The following FHOD3 variants were observed in gnomAD, a reference collection of about 807,000 sequenced individuals.
FHOD3 encodes the protein formin homology 2 domain containing 3, also known as FH1/FH2 domain-containing protein 3.
In FHOD3, 90 loss-of-function variants were observed where a neutral mutation model predicts 173.0. The observed-to-expected ratio is 0.52, with a 90% CI of 0.44 to 0.62. The LOEUF is 0.62. Among genes scored for constraint, FHOD3 ranks in the 20% least tolerant of loss-of-function variants. The pLI is 0.00. For missense variants in FHOD3, 1,945 were observed against 2,034.7 expected (o/e 0.96, Z 0.85); for synonymous variants, 828 against 823.0 (o/e 1.01, Z -0.10).
At chr18:36,586,496 T>A (rs1177093244) in intron 6 of FHOD3, among the ~76,000 whole-genome samples, 2 of 152,056 alleles carry the variant, frequency 1.3e-5, no homozygotes, top group Non-Finnish European at 2.9e-5. Flanking sequence ...TACTTTTTTT[T>A]TTTTTTGAGA....
chr18:36,381,454 A>G (rs1052162066), intron 3 of FHOD3, among the ~76,000 whole-genome samples: 3 of 152,152 alleles, frequency 2.0e-5, no homozygotes, highest in African/African-American at 7.2e-5. Flanking sequence ...GTCCCTGGAA[A>G]TGGGGTCTGT....
At chr18:36,414,728 G>A (rs2049537235) in intron 3 of FHOD3, among the ~76,000 whole-genome samples, 1 of 152,204 alleles carries the variant, frequency 6.6e-6, no homozygotes, top group East Asian at 1.9e-4. Flanking sequence ...ACATTCTGTG[G>A]GCTGAGCCTG....
In FHOD3 at chr18:36,352,223, G is replaced by A. The variant is rs1283189927; in HGVS notation, c.166-3316G>A. Among the ~76,000 whole-genome samples the A allele has an allele frequency of 3.3e-5, 5 of 152,148 alleles. 1 individual carries two copies. Among genetic ancestry groups the A allele is most frequent in the African/African-American group, 7.2e-5 (3 of 41,482 alleles). ...TGCCAGGAGTTCAAGACCAGCCTGCGCAACAGTGAGACCCCCCTGCTACAA... is the reference window on the plus strand; with the variant it reads ...TGCCAGGAGTTCAAGACCAGCCTGCACAACAGTGAGACCCCCCTGCTACAA... On this transcript the variant is annotated intron_variant, in intron 1 of 28. Coordinates refer to ENST00000590592, the MANE Select transcript of FHOD3 (RefSeq NM_001281740.3).
intron 3 of FHOD3, among the ~76,000 whole-genome samples, chr18:36,411,486 T>G (rs1274514910): frequency 6.6e-6 from 1 of 152,272 alleles, no homozygotes; most frequent in Non-Finnish European, 1.5e-5. Flanking sequence ...CATTGAATTC[T>G]GGCTCTTAAG....
At chr18:36,470,874 T>G (rs2053243699) in intron 3 of FHOD3, among the ~76,000 whole-genome samples, 1 of 152,234 alleles carries the variant, frequency 6.6e-6, no homozygotes, top group African/African-American at 2.4e-5. Flanking sequence ...GGTGAGTTAA[T>G]GGTAAGTAAC....
chr18:36,333,197 G>A lies in FHOD3; in HGVS notation c.166-22342G>A, dbSNP rs540585077. On this transcript the variant is annotated intron_variant, in intron 1 of 28. Transcript: ENST00000590592. ...CAAAGAAACTCACTGTCTCCACTGG[G>A]AGATATGACTTTCTAGACTTTATCG... Among the ~76,000 whole-genome samples, 3 of 152,326 alleles carry A rather than the reference G, an allele frequency of 2.0e-5. No individual in the cohort carries two copies. The East Asian group carries it at 5.8e-4, about 29-fold the overall frequency.
intron 14 of FHOD3, among the ~76,000 whole-genome samples, chr18:36,666,661 A>T (rs2037202057): frequency 6.6e-6 from 1 of 152,222 alleles, no homozygotes; most frequent in South Asian, 2.1e-4. Flanking sequence ...GCTTTTGTTA[A>T]TATTTTACCA....
chr18:36,396,123 C>G (rs1211228406), intron 3 of FHOD3, among the ~76,000 whole-genome samples: 1 of 152,042 alleles, frequency 6.6e-6, no homozygotes, highest in Non-Finnish European at 1.5e-5. Flanking sequence ...TTTGAAAAGT[C>G]TGATGATAAT....
intron 3 of FHOD3, among the ~76,000 whole-genome samples, chr18:36,381,832 A>G (rs2047807832): frequency 6.6e-6 from 1 of 152,232 alleles, no homozygotes; most frequent in South Asian, 2.1e-4. Context: ...CAGTAGCTCT[A>G]AGTACCATGT....
intron 19 of FHOD3, among the ~76,000 whole-genome samples, chr18:36,719,837 T>C (rs1261722019): frequency 6.6e-6 from 1 of 152,150 alleles, no homozygotes; most frequent in Non-Finnish European, 1.5e-5. Flanking sequence ...TGCTGTGGGA[T>C]GTTGACAGGC....
chr18:36,482,841 ACACACT>A (rs1227177930), intron 3 of FHOD3, among the ~76,000 whole-genome samples: 44 of 80,338 alleles, frequency 5.5e-4, no homozygotes, highest in African/African-American at 1.9e-3. Context: ...ACACACACAC[ACACACT>A]CACACACACA....
chr18:36,333,482 T>C (rs1252166583), intron 1 of FHOD3, among the ~76,000 whole-genome samples: 1 of 152,276 alleles, frequency 6.6e-6, no homozygotes. Context: ...TGTACAATTC[T>C]GCCTTTTTGG....
chr18:36,692,906 T>G, intron 16 of FHOD3: 1 of 380,554 alleles, frequency 2.6e-6, no homozygotes, highest in Non-Finnish European at 4.8e-6. Context: ...ATTGCTGTTT[T>G]GCTTATTTAC....
intron 3 of FHOD3, among the ~76,000 whole-genome samples, chr18:36,486,419 G>C (rs962453326): frequency 1.3e-5 from 2 of 152,202 alleles, no homozygotes; most frequent in Non-Finnish European, 2.9e-5. Context: ...CTGGAGTGCA[G>C]TAGCACGATT....
Position 36,531,878 on chromosome 18 carries a change from C to T in FHOD3, c.511+19335C>T, listed in dbSNP as rs149664569. On this transcript the variant is annotated intron_variant, in intron 5 of 28. Transcript: ENST00000590592. Reference sequence around the variant, plus strand: ...GGCTCCTGCCTGGGCTATTCCTGTGCGTGTCACAGTCTCCCCAACTCTCTC... The same window carrying T: ...GGCTCCTGCCTGGGCTATTCCTGTGTGTGTCACAGTCTCCCCAACTCTCTC... 1.9e-3 allele frequency among the ~76,000 whole-genome samples: 288 copies of T among 152,336 alleles called. 1 individual carries two copies. The highest frequency in any genetic ancestry group is 6.3e-3 in the African/African-American group (263 of 41,582).
intron 3 of FHOD3, among the ~76,000 whole-genome samples, chr18:36,428,130 A>G (rs192175142): frequency 2.0e-4 from 30 of 152,206 alleles, no homozygotes; most frequent in African/African-American, 7.0e-4. Context: ...GAACATTGAT[A>G]GCTGTGGTTC....
At chr18:36,492,783 C>T (rs993350650) in intron 3 of FHOD3, among the ~76,000 whole-genome samples, 1 of 152,186 alleles carries the variant, frequency 6.6e-6, no homozygotes, top group Non-Finnish European at 1.5e-5. Context: ...TCACAGTCAT[C>T]CCCACAGACA....
intron 14 of FHOD3, among the ~76,000 whole-genome samples, chr18:36,678,553 A>AAAAAAAAAAAAAAAAAAAAAAAAAT (rs2038026141): frequency 8.2e-6 from 1 of 121,482 alleles, no homozygotes; most frequent in Non-Finnish European, 1.9e-5. Context: ...AAAAAAGAAG[A>AAAAAAAAAAAAAAAAAAAAAAAAAT]AAGAAAGAAA....
At chr18:36,645,396 T>C (rs1485668343) in intron 10 of FHOD3, among the ~76,000 whole-genome samples, 1 of 152,022 alleles carries the variant, frequency 6.6e-6, no homozygotes, top group Non-Finnish European at 1.5e-5. Context: ...CCACTGCACC[T>C]CAGCCTGGGT....
Sources: allele counts gnomAD v4.1 joint callset (sites outside exome capture counted in the v4.1 genomes callset), GRCh38; gene constraint gnomAD v4.1.1; transcripts MANE v1.5; gene names NCBI Gene and HGNC (gene_info 2026-07-23, HGNC 2026-07-21).